KCNIP1: variants seen among roughly 807,000 people sequenced by gnomAD.
The protein encoded by KCNIP1 is A-type potassium channel modulatory protein KCNIP1.
Under a neutral mutation model 33.0 loss-of-function variants are expected in KCNIP1, and 18 were observed. The ratio of observed to expected loss-of-function variants is 0.55; its 90% CI spans 0.38 to 0.81. The LOEUF (loss-of-function observed/expected upper bound fraction) is 0.81, where lower values mean the gene tolerates loss of function less well. Ranked by LOEUF, KCNIP1 falls within the 30% of genes least tolerant of loss-of-function variation. The pLI is 0.00. For missense variants in KCNIP1, 238 were observed against 271.6 expected, an observed-to-expected ratio of 0.88 and a Z score of 0.87; for synonymous variants, 93 against 98.3, an observed-to-expected ratio of 0.95 and a Z score of 0.32.
chr5:170,533,863 C>T (rs1755871688), intron 1 of KCNIP1, among the ~76,000 whole-genome samples: 1 of 152,198 alleles, frequency 6.6e-6, no homozygotes, highest in Admixed American at 6.5e-5. Flanking sequence ...ATGAGCACAA[C>T]ATCTCTGATA....
At chr5:170,540,088 G>C (rs1756140711) in intron 1 of KCNIP1, among the ~76,000 whole-genome samples, 1 of 151,834 alleles carries the variant, frequency 6.6e-6, no homozygotes, top group Non-Finnish European at 1.5e-5. Context: ...TTCACTGCCT[G>C]GGTCTGGGTT....
chr5:170,622,741 C>T (rs2113647151), intron 1 of KCNIP1, among the ~76,000 whole-genome samples: 2 of 152,134 alleles, frequency 1.3e-5, no homozygotes, highest in African/African-American at 4.8e-5. Context: ...CACCAGAAGC[C>T]AGGGAAGCCT....
intron 1 of KCNIP1, among the ~76,000 whole-genome samples, chr5:170,570,879 G>A (rs1024217913): frequency 9.9e-5 from 15 of 152,240 alleles, no homozygotes; most frequent in African/African-American, 3.4e-4. Context: ...CCCCCACTAA[G>A]TGCCAGATGC....
At chr5:170,537,600 C>T (rs187423137) in intron 1 of KCNIP1, among the ~76,000 whole-genome samples, 18 of 152,374 alleles carry the variant, frequency 1.2e-4, no homozygotes, top group Non-Finnish European at 1.9e-4. Context: ...AATGAGGCCC[C>T]TGCCTTCCGA....
chr5:170,630,531 T>G lies in KCNIP1; in HGVS notation c.62-88227T>G, dbSNP rs555201688. Among the ~76,000 whole-genome samples the G allele has an allele frequency of 1.2e-4, 19 of 152,236 alleles. No homozygotes were observed. The South Asian group carries it at 3.7e-3, about 30-fold the overall frequency. ...GAGCCCAGAGGCGTCCATCAGGACT[T>G]GGGGGAGGGCAGATGAAAGGGCCTT... On this transcript the variant is annotated intron_variant, in intron 1 of 7. Transcript: ENST00000328939.
intron 1 of KCNIP1, among the ~76,000 whole-genome samples, chr5:170,355,896 G>T (rs965650038): frequency 3.9e-5 from 6 of 152,242 alleles, no homozygotes; most frequent in Non-Finnish European, 4.4e-5. Flanking sequence ...AGGCACCAGG[G>T]CAGGATTGTG....
At chr5:170,712,888 T>TA (rs1763505692) in intron 1 of KCNIP1, 1 of 1,612,982 alleles carries the variant, frequency 6.2e-7, no homozygotes. Flanking sequence ...ATCAGAGAGG[T>TA]AAAAAACAGT....
rs1006727735 is a variant in KCNIP1, at chr5:170,681,052, G to A, written c.62-37706G>A. 1.0e-5 allele frequency: 4 copies of A among 399,398 alleles called. 1 individual carries two copies. Among genetic ancestry groups the A allele is most frequent in the South Asian group, 2.5e-4 (2 of 7,862 alleles). The allele number at this position is 399,398 out of a possible 1,614,324, so 24.7% of individuals were successfully genotyped here. A position where few individuals can be genotyped will look rare whatever the true frequency, so the allele number is the denominator to read the frequency against. ...ATGACCGCCTAGCGCTTGCCGGTGCGCCAGGGTGCTGTGAGGATGTGGGCA... is the reference window on the plus strand; with the variant it reads ...ATGACCGCCTAGCGCTTGCCGGTGCACCAGGGTGCTGTGAGGATGTGGGCA... On this transcript the variant is annotated intron_variant, in intron 1 of 7. Transcript: ENST00000328939.
chr5:170,360,029 G>A (rs371683323), intron 1 of KCNIP1, among the ~76,000 whole-genome samples: 4 of 152,316 alleles, frequency 2.6e-5, no homozygotes, highest in Admixed American at 1.3e-4. Context: ...AGCTGGAAAC[G>A]GGGCCCTCTG....
chr5:170,526,770 T>C (rs540958887), intron 1 of KCNIP1, among the ~76,000 whole-genome samples: 1 of 149,286 alleles, frequency 6.7e-6, no homozygotes, highest in East Asian at 2.0e-4. Flanking sequence ...TTGCCCAGGC[T>C]GGAATGCAGT....
At chr5:170,611,899 A>G (rs957601504) in intron 1 of KCNIP1, among the ~76,000 whole-genome samples, 4 of 152,244 alleles carry the variant, frequency 2.6e-5, no homozygotes, top group Admixed American at 2.6e-4. Flanking sequence ...GGATTTGTTC[A>G]TTCATTCTGT....
chr5:170,534,046 CAT>C (rs1561672916), intron 1 of KCNIP1, among the ~76,000 whole-genome samples: 2 of 152,234 alleles, frequency 1.3e-5, no homozygotes, highest in Admixed American at 6.5e-5. Flanking sequence ...AAAGGAAAAA[CAT>C]ATGCACATTT....
At position 170,625,608 on chromosome 5, in the gene KCNIP1, G is replaced by A. The variant is rs78536340; in HGVS notation, c.62-93150G>A. 2.4e-3 allele frequency among the ~76,000 whole-genome samples: 372 copies of A among 152,248 alleles called. 1 individual carries two copies. Among genetic ancestry groups the A allele is most frequent in the Middle Eastern group, 6.8e-3 (2 of 294 alleles). On this transcript the variant is annotated intron_variant, in intron 1 of 7. Transcript: ENST00000328939. ...TTCACTGACATATCTGGGATGGGGC[G>A]GTGGTCACAAAATCAATCCCACTTT...
chr5:170,714,478 A>T (rs1356363812), intron 1 of KCNIP1, among the ~76,000 whole-genome samples: 1 of 152,230 alleles, frequency 6.6e-6, no homozygotes, highest in African/African-American at 2.4e-5. Context: ...GGATGTGTTT[A>T]ACAGATACAG....
intron 1 of KCNIP1, among the ~76,000 whole-genome samples, chr5:170,530,823 T>C (rs1004777552): frequency 3.5e-4 from 53 of 152,294 alleles, no homozygotes; most frequent in African/African-American, 1.2e-3. Context: ...CAGACAGCTC[T>C]GTGGAGGCAG....
At chr5:170,379,821 G>T (rs1764167563) in intron 1 of KCNIP1, among the ~76,000 whole-genome samples, 1 of 152,006 alleles carries the variant, frequency 6.6e-6, no homozygotes, top group Non-Finnish European at 1.5e-5. Flanking sequence ...GGGCATGGTG[G>T]TGTACCTGTA....
intron 1 of KCNIP1, chr5:170,485,796 C>CCCAGGG (rs1554095784): frequency 1.3e-5 from 2 of 152,862 alleles, no homozygotes; most frequent in East Asian, 3.9e-4. Context: ...GACCCCCAGC[C>CCCAGGG]CCAGCCCCAG....
chr5:170,419,358 C>T (rs1755417526), intron 1 of KCNIP1, among the ~76,000 whole-genome samples: 1 of 152,194 alleles, frequency 6.6e-6, no homozygotes, highest in South Asian at 2.1e-4. Flanking sequence ...GTCAAGTAAA[C>T]ACCAAATATT....
chr5:170,488,327 C>T (rs1166851203), intron 1 of KCNIP1, among the ~76,000 whole-genome samples: 1 of 152,162 alleles, frequency 6.6e-6, no homozygotes, highest in African/African-American at 2.4e-5. Context: ...AGGGCAGAGG[C>T]ATGCTTCATG....
Sources: gnomAD v4.1 joint callset for allele counts (sites outside exome capture counted in the v4.1 genomes callset) on GRCh38, gnomAD v4.1.1 for gene constraint, MANE v1.5 for transcripts, NCBI Gene and HGNC (gene_info 2026-07-23, HGNC 2026-07-21) for gene names.